DENND1A: variants seen among roughly 807,000 people sequenced by gnomAD.
The protein encoded by DENND1A is DENN domain containing 1A.
A neutral mutation model predicts 113.7 loss-of-function variants in DENND1A; 51 were observed. The observed-to-expected ratio is 0.45, with a 90% CI of 0.36 to 0.57. The LOEUF (loss-of-function observed/expected upper bound fraction) is 0.57, where lower values mean the gene tolerates loss of function less well. Ranked by LOEUF, DENND1A falls within the 20% of genes least tolerant of loss-of-function variation. DENND1A has a pLI of 0.00. For synonymous variants in DENND1A, 565 were observed against 570.8 expected (o/e 0.99, Z 0.14); for missense variants, 1,258 against 1,395.9 (o/e 0.90, Z 1.57).
intron 11 of DENND1A, among the ~76,000 whole-genome samples, chr9:123,595,935 A>G (rs1213676777): frequency 6.6e-6 from 1 of 151,998 alleles, no homozygotes; most frequent in Non-Finnish European, 1.5e-5. Flanking sequence ...TGGGGAGCCT[A>G]CTCACACTCT....
intron 21 of DENND1A, chr9:123,401,971 G>A: frequency 1.2e-6 from 2 of 1,611,126 alleles, no homozygotes; most frequent in Non-Finnish European, 1.7e-6. Flanking sequence ...CTGTGACCCT[G>A]TATCCTGGTA....
At chr9:123,678,440 G>A (rs1434504114) in intron 5 of DENND1A, among the ~76,000 whole-genome samples, 1 of 152,220 alleles carries the variant, frequency 6.6e-6, no homozygotes, top group Admixed American at 6.5e-5. Context: ...CGAGAAGAAG[G>A]TTGTACCAAG....
rs2066626564 is a variant in DENND1A, at chr9:123,711,522, T to TATATATATAC, written c.303-34734_303-34733insGTATATATAT. Among the ~76,000 whole-genome samples the TATATATATAC allele has an allele frequency of 4.2e-5, 6 of 142,884 alleles. No homozygotes were observed. In the Admixed American group the frequency reaches 4.2e-4, roughly 10 times the overall value. 93.7% of individuals were successfully genotyped at this position (142,884 alleles called of 152,430 possible). On this transcript the variant is annotated intron_variant, in intron 5 of 23. Coordinates refer to ENST00000394215, the MANE Select transcript of DENND1A (RefSeq NM_001352964.2). ...ATATATATGTATATATGTATATATA[T>TATATATATAC]ATATATATATATATATAAATTCAAC...
chr9:123,590,562 A>G (rs1243680386), intron 11 of DENND1A, among the ~76,000 whole-genome samples: 1 of 152,192 alleles, frequency 6.6e-6, no homozygotes, highest in African/African-American at 2.4e-5. Context: ...AATATTTTAA[A>G]GTACTTGGAG....
intron 5 of DENND1A, chr9:123,736,337 G>C (rs2068563619): frequency 6.6e-6 from 1 of 152,130 alleles, no homozygotes; most frequent in Admixed American, 6.6e-5. Flanking sequence ...TCTAGATTGA[G>C]GGTCTCTCTG....
In DENND1A at chr9:123,785,407, A is replaced by T. The variant is rs1703184748; in HGVS notation, c.132+7180T>A. ...TGTTTTTTCTTCAGCAAACACTTTAAAAAGCACCTTGACATTTGTCCAAGG... is the reference window on the plus strand; with the variant it reads ...TGTTTTTTCTTCAGCAAACACTTTATAAAGCACCTTGACATTTGTCCAAGG... On this transcript the variant is annotated intron_variant, in intron 3 of 23. Transcript: ENST00000394215. Among the ~76,000 whole-genome samples the T allele has an allele frequency of 3.9e-5, 6 of 152,306 alleles. No homozygotes were observed. The South Asian group carries it at 1.2e-3, about 32-fold the overall frequency.
chr9:123,461,002 C>T (rs901392321), intron 13 of DENND1A, among the ~76,000 whole-genome samples: 2 of 152,336 alleles, frequency 1.3e-5, no homozygotes, highest in South Asian at 2.1e-4. Flanking sequence ...AGCTCCTTAA[C>T]CAGCAAACGC....
At chr9:123,471,550 G>C (rs17212242) in intron 13 of DENND1A, among the ~76,000 whole-genome samples, 16,296 of 152,226 alleles carry the variant, frequency 0.11, 1,050 homozygotes, top group Middle Eastern at 0.15. Flanking sequence ...AGACCGCAAC[G>C]TACAGCAAGA....
At chr9:123,742,699 G>A (rs2069129529) in intron 5 of DENND1A, among the ~76,000 whole-genome samples, 1 of 152,160 alleles carries the variant, frequency 6.6e-6, no homozygotes, top group Admixed American at 6.5e-5. Flanking sequence ...AACAGGTTAT[G>A]ACAGAGATCC....
At chr9:123,503,065 G>A (rs1420217456) in intron 13 of DENND1A, among the ~76,000 whole-genome samples, 4 of 152,160 alleles carry the variant, frequency 2.6e-5, no homozygotes, top group African/African-American at 9.7e-5. Flanking sequence ...TTTGGGGAGA[G>A]TACATTAAAT....
intron 13 of DENND1A, among the ~76,000 whole-genome samples, chr9:123,469,271 C>T (rs1017538479): frequency 2.6e-5 from 4 of 152,236 alleles, no homozygotes; most frequent in Non-Finnish European, 5.9e-5. Flanking sequence ...AATGTCTCAT[C>T]GTGAAGCCAG....
At chr9:123,628,791 T>C (rs1005858867) in intron 10 of DENND1A, among the ~76,000 whole-genome samples, 7 of 152,104 alleles carry the variant, frequency 4.6e-5, no homozygotes, top group African/African-American at 1.4e-4. Flanking sequence ...CATTGATGAA[T>C]CAAGAAGAAA....
In DENND1A at chr9:123,723,159, C is replaced by T. The variant is rs1477319869; in HGVS notation, c.302+34544G>A. 2.6e-5 allele frequency among the ~76,000 whole-genome samples: 4 copies of T among 152,332 alleles called. No homozygotes were observed. The South Asian group carries it at 6.2e-4, about 24-fold the overall frequency. ...ATTTTGGAACTTTAGGATTTGACTG[C>T]CCTGCTGGATTGTAGACTTGCATGG... On this transcript the variant is annotated intron_variant, in intron 5 of 23. Transcript: ENST00000394215.
chr9:123,667,556 G>T (rs2063551265), intron 7 of DENND1A, among the ~76,000 whole-genome samples: 2 of 152,228 alleles, frequency 1.3e-5, no homozygotes, highest in Admixed American at 6.5e-5. Context: ...GGTGGAGGTT[G>T]CAGTGAGCTG....
At chr9:123,684,373 C>A (rs1424719800) in intron 5 of DENND1A, among the ~76,000 whole-genome samples, 1 of 152,146 alleles carries the variant, frequency 6.6e-6, no homozygotes, top group African/African-American at 2.4e-5. Context: ...TTCACATGAG[C>A]TCTTCCACTC....
chr9:123,848,228 T>TAAAAAA (rs375535777), intron 2 of DENND1A, among the ~76,000 whole-genome samples: 34 of 60,522 alleles, frequency 5.6e-4, no homozygotes, highest in African/African-American at 8.6e-4. Flanking sequence ...GATACTGCTT[T>TAAAAAA]AAAAAAAAAA....
At chr9:123,723,606 C>T (rs1054617892) in intron 5 of DENND1A, among the ~76,000 whole-genome samples, 1 of 152,154 alleles carries the variant, frequency 6.6e-6, no homozygotes, top group African/African-American at 2.4e-5. Context: ...GAATAAGTCT[C>T]ATGAAATCTG....
chr9:123,782,543 G>A (rs969816425), intron 3 of DENND1A, among the ~76,000 whole-genome samples: 1 of 152,174 alleles, frequency 6.6e-6, no homozygotes, highest in Non-Finnish European at 1.5e-5. Context: ...CTAGAGATCT[G>A]GACACGAAGC....
intron 12 of DENND1A, among the ~76,000 whole-genome samples, chr9:123,565,470 T>C (rs1003701376): frequency 7.9e-5 from 12 of 152,108 alleles, no homozygotes; most frequent in Non-Finnish European, 1.8e-4. Flanking sequence ...ACAGTTGGAG[T>C]TGAAAGATTT....
Sources: gnomAD v4.1 joint callset for allele counts (sites outside exome capture counted in the v4.1 genomes callset) on GRCh38, gnomAD v4.1.1 for gene constraint, MANE v1.5 for transcripts, NCBI Gene and HGNC (gene_info 2026-07-23, HGNC 2026-07-21) for gene names.